Variants in GALNT3 observed in about 807,000 individuals in gnomAD.
GALNT3 encodes the protein GalNAc transferase 3.
A neutral mutation model predicts 69.8 loss-of-function variants in GALNT3; 51 were observed. The ratio of observed to expected loss-of-function variants is 0.73; its 90% confidence interval spans 0.58 to 0.92. The LOEUF is 0.92. Among genes scored for constraint, GALNT3 ranks in the 40% least tolerant of loss-of-function variants. The pLI is 0.00. For missense variants in GALNT3, 711 were observed against 760.0 expected (o/e 0.94, Z 0.76); for synonymous variants, 265 against 248.5 (o/e 1.07, Z -0.63).
intron 1 of GALNT3, among the ~76,000 whole-genome samples, chr2:165,793,441 T>C (rs1683394240): frequency 6.6e-6 from 1 of 151,774 alleles, no homozygotes; most frequent in African/African-American, 2.4e-5. Flanking sequence ...GAGAGAGGGG[T>C]GTCCGCGTCC....
intron 1 of GALNT3, among the ~76,000 whole-genome samples, chr2:165,781,572 T>C (rs556567239): frequency 6.7e-6 from 1 of 150,254 alleles, no homozygotes; most frequent in African/African-American, 2.5e-5. Flanking sequence ...CGTTCCATCC[T>C]GGGCAACAGA....
At chr2:165,759,923 G>A (rs1558996873) in intron 4 of GALNT3, among the ~76,000 whole-genome samples, 1 of 152,016 alleles carries the variant, frequency 6.6e-6, no homozygotes, top group Non-Finnish European at 1.5e-5. Context: ...ATTAATTACA[G>A]TCACCACGTT....
chr2:165,794,342 G>C (rs1683420738), upstream of GALNT3: 1 of 152,368 alleles, frequency 6.6e-6, no homozygotes. Flanking sequence ...CTCCAGGTGA[G>C]AACCTTGGAT....
chr2:165,765,536 C>G (rs1362407614), intron 2 of GALNT3, among the ~76,000 whole-genome samples: 1 of 151,468 alleles, frequency 6.6e-6, no homozygotes, highest in Non-Finnish European at 1.5e-5. Flanking sequence ...GTCGCCCAGG[C>G]TGGAGTGCAG....
At chr2:165,764,474 CATAAT>C (rs1194362571) in intron 3 of GALNT3, among the ~76,000 whole-genome samples, 4 of 152,212 alleles carry the variant, frequency 2.6e-5, no homozygotes, top group African/African-American at 9.6e-5. Flanking sequence ...ATTAACAACA[CATAAT>C]ATATTTAATG....
chr2:165,780,384 G>C (rs1158529537), intron 1 of GALNT3, among the ~76,000 whole-genome samples: 2 of 152,054 alleles, frequency 1.3e-5, no homozygotes, highest in African/African-American at 4.8e-5. Context: ...TTCCAATCCT[G>C]TTCCTTCCAA....
intron 2 of GALNT3, among the ~76,000 whole-genome samples, chr2:165,768,397 A>G (rs1050895302): frequency 2.6e-5 from 4 of 152,362 alleles, no homozygotes; most frequent in African/African-American, 7.2e-5. Flanking sequence ...AATGTAGATT[A>G]CTTTTCAATC....
chr2:165,778,330 T>C (rs1388581618), intron 1 of GALNT3, among the ~76,000 whole-genome samples: 1 of 152,224 alleles, frequency 6.6e-6, no homozygotes, highest in Non-Finnish European at 1.5e-5. Context: ...GCCCCCCAGG[T>C]AGAGGCACTG....
rs1015580096 is a variant in GALNT3 at position 165,776,752 on chromosome 2, C to T, written c.-108-5944G>A. Among the ~76,000 whole-genome samples the T allele has an allele frequency of 3.3e-5, 5 of 152,204 alleles. No individual in the cohort carries two copies. In the East Asian group the frequency reaches 9.7e-4, roughly 29 times the overall value. On this transcript the variant is annotated intron_variant, in intron 1 of 10. Coordinates refer to ENST00000392701, the MANE Select transcript of GALNT3 (RefSeq NM_004482.4). ...CACAATTTTAACTGGTTGTGACACT[C>T]GCTATGTTAAAATCAATGGATTATT...
rs759459328 is a variant in GALNT3, at chr2:165,754,724, T to C, written c.1529A>G (p.Lys510Arg). 3.1e-6 allele frequency: 5 copies of C among 1,610,090 alleles called. No homozygotes were observed. In the South Asian group the frequency reaches 3.3e-5, roughly 11 times the overall value. ...DLNPVISGYI[K>R]SVGQPLCLDV... ...CAGACATAGAGGCTGACCAACGCTTTTAATCTAAAGGAAAATTTTCAAGTT... is the reference window on the plus strand; with the variant it reads ...CAGACATAGAGGCTGACCAACGCTTCTAATCTAAAGGAAAATTTTCAAGTT... The change falls in exon 9 of 11, where the codon AAA becomes AGA. Residue 510 changes from lysine (K) to arginine (R), a missense_variant. Lys to Arg is a conservative substitution (Grantham distance 26). Transcript: ENST00000392701.
At position 165,794,147 on chromosome 2, in the gene GALNT3, C is replaced by T. The variant is rs578130068; in HGVS notation, c.-241G>A. 1 of 152,798 alleles carries T rather than the reference C, an allele frequency of 6.5e-6. No homozygotes were observed. The highest frequency in any genetic ancestry group is 1.9e-4 in the East Asian group (1 of 5,186). The allele number at this position is 152,798 out of a possible 1,614,324, so 9.5% of individuals were successfully genotyped here. A position where few individuals can be genotyped will look rare whatever the true frequency, so the allele number is the denominator to read the frequency against. ...GCCACAGTTGCGGCTCAGTAGAGCT[C>T]CTCCTCCGCCGCCGCCTCCTGCCTT... On this transcript the variant is annotated 5_prime_UTR_variant, in exon 1 of 11. Transcript: ENST00000392701.
At chr2:165,781,940 T>G (rs1032346279) in intron 1 of GALNT3, among the ~76,000 whole-genome samples, 1 of 152,232 alleles carries the variant, frequency 6.6e-6, no homozygotes, top group Middle Eastern at 3.4e-3. Context: ...ACTAAGTCAA[T>G]AGCTACATAC....
chr2:165,747,826 T>G lies in GALNT3; in HGVS notation c.*955A>C, dbSNP rs1483621199. ...GATTACAATAGTGTTGAGGATTTTT[T>G]ATTGTGTTTTCCACATAGATAAAAA... On this transcript the variant is annotated 3_prime_UTR_variant, in exon 11 of 11. Transcript: ENST00000392701. 5.9e-6 allele frequency: 1 copy of G among 169,406 alleles called. No homozygotes were observed. The highest frequency in any genetic ancestry group is 1.3e-5 in the Non-Finnish European group (1 of 77,792). The allele number at this position is 169,406 out of a possible 1,614,324, so 10.5% of individuals were successfully genotyped here. A position where few individuals can be genotyped will look rare whatever the true frequency, so the allele number is the denominator to read the frequency against.
chr2:165,764,869 C>T lies in GALNT3; in HGVS notation c.688+15G>A, dbSNP rs1226491588. 2.5e-6 allele frequency: 4 copies of T among 1,613,532 alleles called. No individual in the cohort carries two copies. The South Asian group carries it at 3.3e-5, about 13-fold the overall frequency. ...TGGATTTGGGAAACAATCTAATTTG[C>T]ATGTGCTTTCTTACCATCTACACTA... On this transcript the variant is annotated intron_variant, in intron 3 of 10. Coordinates refer to ENST00000392701, the MANE Select transcript of GALNT3 (RefSeq NM_004482.4).
At chr2:165,769,502 C>T (rs1212118309) in intron 2 of GALNT3, among the ~76,000 whole-genome samples, 1 of 151,036 alleles carries the variant, frequency 6.6e-6, no homozygotes, top group African/African-American at 2.4e-5. Context: ...GCCTGTACTC[C>T]CAGCACTTTG....
At chr2:165,770,874 C>G (rs1440287850) in intron 1 of GALNT3, 66 bp from the exon 2 acceptor site, 2 of 603,418 alleles carry the variant, frequency 3.3e-6, no homozygotes, top group Non-Finnish European at 5.5e-6. Context: ...TCAATTCATT[C>G]ATTTAACCAA....
At position 165,770,249 on chromosome 2, in the gene GALNT3, TTAAAGC is replaced by T; in HGVS notation, c.446_451del (p.Cys149_Asn151delinsTyr). The T allele has an allele frequency of 6.2e-7, 1 of 1,614,170 alleles. No homozygotes were observed. Among genetic ancestry groups the T allele is most frequent in the Non-Finnish European group, 8.5e-7 (1 of 1,180,012 alleles). ...AGAAATCCTGTCACTTGCGAAAGCA[TTAAAGC>T]AGTGTTTAGCTTCCCCACGTTCCTT... On this transcript the variant is annotated inframe_deletion, in exon 2 of 11. Transcript: ENST00000392701.
chr2:165,793,165 T>C (rs943616993), intron 1 of GALNT3, among the ~76,000 whole-genome samples: 10 of 152,178 alleles, frequency 6.6e-5, no homozygotes, highest in African/African-American at 2.4e-4. Flanking sequence ...GAAAGGAATC[T>C]GGGCCTGGCA....
chr2:165,772,017 T>C (rs957694916), intron 1 of GALNT3, among the ~76,000 whole-genome samples: 12 of 152,136 alleles, frequency 7.9e-5, no homozygotes, highest in African/African-American at 2.9e-4. Context: ...CTGACATATA[T>C]TGCTCATAAA....
Sources: gnomAD v4.1 joint callset for allele counts (sites outside exome capture counted in the v4.1 genomes callset) on GRCh38, gnomAD v4.1.1 for gene constraint, MANE v1.5 for transcripts, NCBI Gene and HGNC (gene_info 2026-07-23, HGNC 2026-07-21) for gene names.